Variants in PRKN observed in about 807,000 individuals in gnomAD.
PRKN encodes the protein parkin RBR E3 ubiquitin protein ligase.
Under a neutral mutation model 59.5 loss-of-function variants are expected in PRKN, and 56 were observed. That is an observed-to-expected ratio of 0.94 (90% CI 0.76 to 1.18). The LOEUF (loss-of-function observed/expected upper bound fraction) is 1.18, where lower values mean the gene tolerates loss of function less well. Among genes scored for constraint, PRKN ranks in the 50% most tolerant of loss-of-function variants. The probability of loss-of-function intolerance (pLI) is 0.00; values close to 1 mark genes in which losing one functional copy is unlikely to be tolerated. For synonymous variants in PRKN, 250 were observed against 222.1 expected, an observed-to-expected ratio of 1.13 and a Z score of -1.12; for missense variants, 657 against 596.4, an observed-to-expected ratio of 1.10 and a Z score of -1.06.
chr6:162,070,278 G>A (rs1406852160), intron 4 of PRKN, among the ~76,000 whole-genome samples: 6 of 152,040 alleles, frequency 3.9e-5, no homozygotes, highest in South Asian at 2.1e-4. Flanking sequence ...TTTATCTAAC[G>A]ATTTGTTAAT....
chr6:161,646,603 G>C lies in PRKN; in HGVS notation c.872-77187C>G, dbSNP rs564909960. On this transcript the variant is annotated intron_variant, in intron 7 of 11. Transcript: ENST00000366898. Reference sequence around the variant, plus strand: ...TGCGTGTGCGTGCGTGGCGGAGGAGGTGGTGTATCAGTGACAGTAGTCACT... The same window carrying C: ...TGCGTGTGCGTGCGTGGCGGAGGAGCTGGTGTATCAGTGACAGTAGTCACT... Among the ~76,000 whole-genome samples the C allele has an allele frequency of 5.9e-5, 9 of 151,830 alleles. No individual in the cohort carries two copies. The East Asian group carries it at 1.8e-3, about 30-fold the overall frequency.
intron 7 of PRKN, among the ~76,000 whole-genome samples, chr6:161,697,332 T>A (rs1786063911): frequency 6.6e-6 from 1 of 152,214 alleles, no homozygotes; most frequent in Admixed American, 6.5e-5. Context: ...CATTATAATA[T>A]TTGCTGTGAA....
At chr6:161,957,398 T>C (rs138432137) in intron 6 of PRKN, among the ~76,000 whole-genome samples, 31 of 143,216 alleles carry the variant, frequency 2.2e-4, no homozygotes, top group Non-Finnish European at 3.9e-4. Flanking sequence ...TATTTTTTTG[T>C]TGTTCTTGTT....
chr6:162,364,970 TCTCTCTCTC>T (rs1368424557), intron 2 of PRKN, among the ~76,000 whole-genome samples: 1 of 145,712 alleles, frequency 6.9e-6, no homozygotes, highest in Admixed American at 6.8e-5. Flanking sequence ...TCCCTCTCTC[TCTCTCTCTC>T]TTTTTTTTTT....
chr6:162,287,899 C>T (rs902496662), intron 2 of PRKN, among the ~76,000 whole-genome samples: 5 of 152,116 alleles, frequency 3.3e-5, no homozygotes, highest in African/African-American at 9.7e-5. Flanking sequence ...ACACCCGAGG[C>T]GTGACTAACC....
chr6:162,013,957 C>T lies in PRKN; in HGVS notation c.618+40134G>A, dbSNP rs536764935. The stretch of plus-strand genomic sequence containing the variant: ...ATAATTGGTTTTAGTTTGTTTTATT[C>T]TGTGTCCTTGCTGATTTTTTTAAAC... On this transcript the variant is annotated intron_variant, in intron 5 of 11. Coordinates refer to ENST00000366898, the MANE Select transcript of PRKN (RefSeq NM_004562.3). Among the ~76,000 whole-genome samples the T allele has an allele frequency of 1.1e-4, 17 of 152,038 alleles. No homozygotes were observed. In the South Asian group the frequency reaches 3.5e-3, roughly 32 times the overall value.
chr6:161,779,764 T>G lies in PRKN; in HGVS notation c.871+6008A>C, dbSNP rs146560195. Reference sequence around the variant, plus strand: ...AGACTATAAACTTTGATTTTCTATTTCTATTTTGTTATCATTTTATTTTAT... The same window carrying G: ...AGACTATAAACTTTGATTTTCTATTGCTATTTTGTTATCATTTTATTTTAT... On this transcript the variant is annotated intron_variant, in intron 7 of 11. Transcript: ENST00000366898. Among the ~76,000 whole-genome samples, 52 of 152,272 alleles carry G rather than the reference T, an allele frequency of 3.4e-4. No individual in the cohort carries two copies. In the East Asian group the frequency reaches 9.5e-3, roughly 28 times the overall value.
At chr6:161,919,966 T>C (rs922151940) in intron 6 of PRKN, among the ~76,000 whole-genome samples, 3 of 152,220 alleles carry the variant, frequency 2.0e-5, no homozygotes, top group African/African-American at 7.2e-5. Context: ...TGTGTGGACA[T>C]CACAGAGCAT....
At chr6:162,628,593 G>A (rs73597910) in intron 1 of PRKN, among the ~76,000 whole-genome samples, 3,148 of 152,108 alleles carry the variant, frequency 0.021, 113 homozygotes, top group African/African-American at 0.071. Context: ...AACAGCATTA[G>A]GAATCAAGTA....
intron 9 of PRKN, among the ~76,000 whole-genome samples, chr6:161,485,596 T>C (rs1168329044): frequency 2.0e-5 from 3 of 152,212 alleles, no homozygotes; most frequent in Non-Finnish European, 4.4e-5. Context: ...AATACGAAGA[T>C]GTTTCTAAAA....
chr6:162,693,576 T>A (rs1376255190), intron 1 of PRKN, among the ~76,000 whole-genome samples: 2 of 152,092 alleles, frequency 1.3e-5, no homozygotes, highest in Non-Finnish European at 2.9e-5. Context: ...GAACTCAAAC[T>A]GGAAAAGGAG....
chr6:161,735,581 C>A (rs959533745), intron 7 of PRKN, among the ~76,000 whole-genome samples: 3 of 152,072 alleles, frequency 2.0e-5, no homozygotes, highest in Non-Finnish European at 4.4e-5. Flanking sequence ...GCTCAGAACA[C>A]CTAACGCCTG....
intron 7 of PRKN, among the ~76,000 whole-genome samples, chr6:161,700,106 T>C (rs765406630): frequency 4.6e-5 from 7 of 152,020 alleles, no homozygotes; most frequent in Non-Finnish European, 1.0e-4. Context: ...TAGGACACCA[T>C]GTTCCCCATC....
intron 6 of PRKN, among the ~76,000 whole-genome samples, chr6:161,819,629 T>G (rs760461697): frequency 6.6e-6 from 1 of 152,180 alleles, no homozygotes; most frequent in African/African-American, 2.4e-5. Context: ...TTTATAAAAA[T>G]ACATGCAGAG....
At chr6:162,611,911 C>T (rs1009656940) in intron 1 of PRKN, among the ~76,000 whole-genome samples, 16 of 152,072 alleles carry the variant, frequency 1.1e-4, no homozygotes, top group Middle Eastern at 3.4e-3. Context: ...TACAGCGGGG[C>T]GTGGTGGCTC....
chr6:161,693,561 G>A (rs2128176458), intron 7 of PRKN, among the ~76,000 whole-genome samples: 1 of 152,228 alleles, frequency 6.6e-6, no homozygotes, highest in East Asian at 1.9e-4. Context: ...TAGCTCTGGG[G>A]TTCAAAATGA....
chr6:162,615,957 C>A (rs147391495), intron 1 of PRKN, among the ~76,000 whole-genome samples: 1 of 152,298 alleles, frequency 6.6e-6, no homozygotes, highest in East Asian at 1.9e-4. Context: ...TAGTCCTAAA[C>A]CAAGAAGATG....
At chr6:162,530,921 G>A (rs1277461783) in intron 1 of PRKN, among the ~76,000 whole-genome samples, 2 of 151,844 alleles carry the variant, frequency 1.3e-5, no homozygotes, top group Non-Finnish European at 2.9e-5. Context: ...GCAGGGCATG[G>A]CCGCGTGTGC....
intron 7 of PRKN, among the ~76,000 whole-genome samples, chr6:161,742,320 T>C (rs763533399): frequency 3.2e-4 from 48 of 152,318 alleles, no homozygotes; most frequent in Non-Finnish European, 5.1e-4. Flanking sequence ...CCAGCTGTCA[T>C]GTAAGATGCG....
Sources: allele counts gnomAD v4.1 joint callset (sites outside exome capture counted in the v4.1 genomes callset), GRCh38; gene constraint gnomAD v4.1.1; transcripts MANE v1.5; gene names NCBI Gene and HGNC (gene_info 2026-07-23, HGNC 2026-07-21).